POC1B: variants seen among roughly 807,000 people sequenced by gnomAD.
The protein encoded by POC1B is POC1 centriolar protein B, also known as POC1 centriolar protein homolog B.
A neutral mutation model predicts 60.6 loss-of-function variants in POC1B; 44 were observed. That is an observed-to-expected ratio of 0.73 (90% CI 0.57 to 0.93). POC1B has a LOEUF of 0.93. Ranked by LOEUF, POC1B falls within the 40% of genes least tolerant of loss-of-function variation. The pLI is 0.00. For missense variants in POC1B, 555 were observed against 572.3 expected (o/e 0.97, Z 0.31); for synonymous variants, 180 against 198.9 (o/e 0.90, Z 0.80).
chr12:89,474,295 T>A (rs983310341), intron 4 of POC1B, among the ~76,000 whole-genome samples: 3 of 152,000 alleles, frequency 2.0e-5, no homozygotes, highest in African/African-American at 7.2e-5. Context: ...TATTACTTAA[T>A]GTGACTATGT....
intron 10 of POC1B, among the ~76,000 whole-genome samples, chr12:89,444,626 A>G (rs1441827409): frequency 6.6e-6 from 1 of 152,214 alleles, no homozygotes; most frequent in African/African-American, 2.4e-5. Flanking sequence ...AGAACTATTT[A>G]TGACAAACCC....
chr12:89,472,684 C>A (rs1188965847), intron 4 of POC1B: 1 of 154,082 alleles, frequency 6.5e-6, no homozygotes, highest in East Asian at 1.9e-4. Context: ...ACTCATCCGA[C>A]CAAGCTTGCA....
intron 4 of POC1B, among the ~76,000 whole-genome samples, chr12:89,476,759 T>TAGATAGACAGACAGAC (rs1485211003): frequency 1.2e-4 from 7 of 58,646 alleles, no homozygotes; most frequent in Middle Eastern, 9.6e-3. Context: ...GATAGATAGA[T>TAGATAGACAGACAGAC]AGACAGACAG....
At chr12:89,417,637 T>C (rs1368691051), downstream of POC1B, among the ~76,000 whole-genome samples, 2 of 152,228 alleles carry the variant, frequency 1.3e-5, no homozygotes, top group Non-Finnish European at 2.9e-5. Context: ...GAAATATTTA[T>C]GTGCAAGAAA....
intron 10 of POC1B, among the ~76,000 whole-genome samples, chr12:89,455,252 T>G (rs1031223821): frequency 1.3e-5 from 2 of 152,154 alleles, no homozygotes; most frequent in Non-Finnish European, 2.9e-5. Flanking sequence ...GGAGAATCAC[T>G]TGAACCCAGG....
intron 9 of POC1B, among the ~76,000 whole-genome samples, chr12:89,464,781 T>C (rs1882621086): frequency 6.8e-6 from 1 of 147,212 alleles, no homozygotes; most frequent in African/African-American, 2.5e-5. Flanking sequence ...CCACCGCACC[T>C]GGCCCAAGAG....
At chr12:89,491,331 T>G (rs1209911993) in intron 4 of POC1B, among the ~76,000 whole-genome samples, 1 of 152,004 alleles carries the variant, frequency 6.6e-6, no homozygotes, top group Admixed American at 6.5e-5. Flanking sequence ...TGAATGTCAT[T>G]TGAAATTACA....
chr12:89,498,287 C>A (rs1414514170), intron 2 of POC1B, among the ~76,000 whole-genome samples: 1 of 152,058 alleles, frequency 6.6e-6, no homozygotes, highest in Admixed American at 6.5e-5. Context: ...AAAATGCAAT[C>A]AATGGTGGAA....
downstream of POC1B, among the ~76,000 whole-genome samples, chr12:89,419,212 G>A (rs1880427987): frequency 6.6e-6 from 1 of 151,958 alleles, no homozygotes; most frequent in Non-Finnish European, 1.5e-5. Context: ...ATCTAGAGAT[G>A]CCTGTTAGAG....
intron 10 of POC1B, among the ~76,000 whole-genome samples, chr12:89,443,001 AAAG>A (rs1378067666): frequency 6.6e-6 from 1 of 152,252 alleles, no homozygotes; most frequent in Non-Finnish European, 1.5e-5. Flanking sequence ...CAAAAGAGAC[AAAG>A]AAGGCCATTA....
chr12:89,407,166 A>G, the POC1B span, among the ~76,000 whole-genome samples: 1 of 151,358 alleles, frequency 6.6e-6, no homozygotes, highest in Non-Finnish European at 1.5e-5. Context: ...AAAAAAAAAA[A>G]AAAAAGGAAA....
rs567774707 is a variant in POC1B at position 89,475,219 on chromosome 12, C to T, written c.453-2944G>A. 3.3e-5 allele frequency among the ~76,000 whole-genome samples: 5 copies of T among 152,274 alleles called. No homozygotes were observed. In the East Asian group the frequency reaches 9.6e-4, roughly 29 times the overall value. ...ACTTGCAAATGAGGAAAAGTGTTAT[C>T]TTGGTCAGCTAAAAGTGCCTCCTGA... On this transcript the variant is annotated intron_variant, in intron 4 of 11. Coordinates refer to ENST00000313546, the MANE Select transcript of POC1B (RefSeq NM_172240.3).
At chr12:89,522,345 T>G (rs1592650526) in intron 2 of POC1B, 2 of 395,340 alleles carry the variant, frequency 5.1e-6, no homozygotes, top group East Asian at 3.6e-5. Flanking sequence ...AATCTAAAAT[T>G]TAATGTGCTG....
chr12:89,443,179 C>T (rs1440767415), intron 10 of POC1B, among the ~76,000 whole-genome samples: 3 of 152,148 alleles, frequency 2.0e-5, no homozygotes, highest in Non-Finnish European at 4.4e-5. Context: ...CCACTGTCAA[C>T]ATTAGACAGT....
chr12:89,483,982 T>C (rs1375323942), intron 4 of POC1B, among the ~76,000 whole-genome samples: 2 of 152,236 alleles, frequency 1.3e-5, no homozygotes, highest in Non-Finnish European at 1.5e-5. Context: ...GCTTACGCCA[T>C]ATGCAGGTGT....
intron 10 of POC1B, among the ~76,000 whole-genome samples, chr12:89,450,556 A>G (rs974410866): frequency 2.0e-5 from 3 of 152,180 alleles, no homozygotes; most frequent in African/African-American, 7.2e-5. Context: ...TTTAAAATGA[A>G]CAATAGGAAA....
intron 10 of POC1B, among the ~76,000 whole-genome samples, chr12:89,441,403 C>G (rs1487302483): frequency 6.6e-6 from 1 of 152,178 alleles, no homozygotes; most frequent in East Asian, 1.9e-4. Context: ...CCGGGTCCCC[C>G]TCTGAGACGA....
At chr12:89,491,497 T>C (rs985200422) in intron 4 of POC1B, among the ~76,000 whole-genome samples, 6 of 151,600 alleles carry the variant, frequency 4.0e-5, no homozygotes, top group Admixed American at 3.9e-4. Context: ...TGGTGGTGCA[T>C]GCCTGTAGTC....
intron 10 of POC1B, among the ~76,000 whole-genome samples, chr12:89,439,506 G>A (rs1315155967): frequency 6.6e-6 from 1 of 152,196 alleles, no homozygotes; most frequent in East Asian, 1.9e-4. Flanking sequence ...GGTCTGGGGT[G>A]GGACCTGTGA....
Sources: gnomAD v4.1 joint callset for allele counts (sites outside exome capture counted in the v4.1 genomes callset) on GRCh38, gnomAD v4.1.1 for gene constraint, MANE v1.5 for transcripts, NCBI Gene and HGNC (gene_info 2026-07-23, HGNC 2026-07-21) for gene names.